FCHSD2: variants seen among roughly 807,000 people sequenced by gnomAD.
FCHSD2 encodes the protein F-BAR and double SH3 domains protein 2.
FCHSD2 carries 38 observed loss-of-function variants against 108.1 expected under a neutral mutation model. That is an observed-to-expected ratio of 0.35 (90% CI 0.27 to 0.46). The LOEUF (loss-of-function observed/expected upper bound fraction) is 0.46. Among genes scored for constraint, FCHSD2 ranks in the 20% least tolerant of loss-of-function variants. FCHSD2 has a pLI of 1.00. For synonymous variants in FCHSD2, 279 were observed against 314.7 expected, an observed-to-expected ratio of 0.89 and a Z score of 1.20; for missense variants, 751 against 897.8, an observed-to-expected ratio of 0.84 and a Z score of 2.09.
intron 2 of FCHSD2, among the ~76,000 whole-genome samples, chr11:73,139,452 G>C (rs1462743940): frequency 6.6e-6 from 1 of 152,144 alleles, no homozygotes; most frequent in South Asian, 2.1e-4. Flanking sequence ...CCTCTAGTAA[G>C]AAAGATACTG....
intron 3 of FCHSD2, among the ~76,000 whole-genome samples, chr11:73,050,270 G>T (rs969416722): frequency 3.9e-5 from 6 of 152,056 alleles, no homozygotes; most frequent in Admixed American, 3.9e-4. Context: ...TTAAAAAGAG[G>T]GCTGGACCAT....
rs1198465987 is a variant in FCHSD2 at position 72,938,926 on chromosome 11, T to TA, written c.706-16977dup. 2.6e-5 allele frequency among the ~76,000 whole-genome samples: 4 copies of TA among 152,244 alleles called. No homozygotes were observed. The East Asian group carries it at 5.8e-4, about 22-fold the overall frequency. ...CTGATTTAAGATTATAAATATTTTC[T>TA]AAAAAAATATAGTAAGGATAGGGTC... On this transcript the variant is annotated intron_variant, in intron 8 of 19. Transcript: ENST00000409418.
chr11:72,850,102 C>T (rs1434498301), intron 13 of FCHSD2, among the ~76,000 whole-genome samples: 2 of 141,114 alleles, frequency 1.4e-5, no homozygotes, highest in African/African-American at 2.7e-5. Flanking sequence ...TCGCTCTTGT[C>T]ACCCCGGCTG....
rs558563726 is a variant in FCHSD2, at chr11:72,920,390, G to A, written c.828+1438C>T. On this transcript the variant is annotated intron_variant, in intron 9 of 19. Coordinates refer to ENST00000409418, the MANE Select transcript of FCHSD2 (RefSeq NM_014824.3). ...TGGACAATTGTCCAGGAAAATGTAA[G>A]TTACCCAAATATACTGAAAAAGAGA... 2.6e-5 allele frequency among the ~76,000 whole-genome samples: 4 copies of A among 152,278 alleles called. No individual in the cohort carries two copies. The East Asian group carries it at 7.7e-4, about 29-fold the overall frequency.
intron 2 of FCHSD2, among the ~76,000 whole-genome samples, chr11:73,113,177 T>C (rs1436262331): frequency 6.6e-6 from 1 of 152,066 alleles, no homozygotes; most frequent in Admixed American, 6.6e-5. Context: ...TTCAATCTCT[T>C]TGCTAAGCTT....
chr11:72,877,445 A>G (rs1250368948), intron 12 of FCHSD2, among the ~76,000 whole-genome samples: 1 of 152,122 alleles, frequency 6.6e-6, no homozygotes, highest in East Asian at 1.9e-4. Flanking sequence ...ATTCCTCTCC[A>G]GGTTTTACAT....
intron 3 of FCHSD2, among the ~76,000 whole-genome samples, chr11:73,050,582 CA>C (rs1469120958): frequency 1.3e-5 from 2 of 152,074 alleles, no homozygotes; most frequent in Non-Finnish European, 2.9e-5. Flanking sequence ...CAGGCCCCCA[CA>C]ATGGTTTTTC....
intron 3 of FCHSD2, among the ~76,000 whole-genome samples, chr11:73,046,862 C>T (rs903358281): frequency 1.3e-5 from 2 of 152,082 alleles, no homozygotes; most frequent in African/African-American, 2.4e-5. Context: ...AGATTACAAT[C>T]GTAAGCTACC....
intron 12 of FCHSD2, among the ~76,000 whole-genome samples, chr11:72,869,204 G>C (rs1174445625): frequency 3.3e-5 from 5 of 152,084 alleles, no homozygotes; most frequent in Non-Finnish European, 5.9e-5. Flanking sequence ...ACCTCACCCA[G>C]CCAAGTTACC....
chr11:72,893,614 C>G (rs548723485), intron 10 of FCHSD2, among the ~76,000 whole-genome samples: 2 of 152,178 alleles, frequency 1.3e-5, no homozygotes, highest in African/African-American at 4.8e-5. Flanking sequence ...TATGCCCAGC[C>G]CAATATTTTT....
At chr11:72,871,562 G>A (rs1268430214) in intron 12 of FCHSD2, among the ~76,000 whole-genome samples, 4 of 145,340 alleles carry the variant, frequency 2.8e-5, no homozygotes, top group Non-Finnish European at 3.0e-5. Context: ...CTCTCACTTG[G>A]TGGCTTTCTG....
At chr11:72,864,257 G>T (rs1854669782) in intron 13 of FCHSD2, among the ~76,000 whole-genome samples, 1 of 152,084 alleles carries the variant, frequency 6.6e-6, no homozygotes, top group Non-Finnish European at 1.5e-5. Context: ...ATAAATAAAA[G>T]ATTAGAAAAA....
intron 12 of FCHSD2, among the ~76,000 whole-genome samples, chr11:72,878,249 C>T (rs1434452723): frequency 2.0e-5 from 3 of 152,018 alleles, no homozygotes; most frequent in Non-Finnish European, 4.4e-5. Context: ...TGTGAATAGT[C>T]ACTGCATTCT....
At chr11:73,139,880 C>A in intron 2 of FCHSD2, 151 bp downstream of exon 2, 1 of 509,242 alleles carries the variant, frequency 2.0e-6, no homozygotes, top group South Asian at 3.3e-5. Flanking sequence ...GTGTTAGTTC[C>A]AGTTCTAATT....
At chr11:72,861,087 C>T (rs532693093) in intron 13 of FCHSD2, among the ~76,000 whole-genome samples, 83 of 151,680 alleles carry the variant, frequency 5.5e-4, no homozygotes, top group African/African-American at 1.9e-3. Flanking sequence ...AAGAGAAAAA[C>T]GAGGGAAAAA....
intron 9 of FCHSD2, among the ~76,000 whole-genome samples, chr11:72,908,991 T>G (rs1361947622): frequency 1.3e-5 from 2 of 152,136 alleles, no homozygotes; most frequent in African/African-American, 4.8e-5. Context: ...GAGAAATGTC[T>G]ATTCAGATCT....
intron 12 of FCHSD2, among the ~76,000 whole-genome samples, chr11:72,876,856 A>C (rs183107250): frequency 2.6e-5 from 4 of 152,284 alleles, no homozygotes; most frequent in African/African-American, 9.6e-5. Flanking sequence ...ATTATTATAT[A>C]TACGTCCAGG....
chr11:72,924,663 T>C (rs1281623438), intron 8 of FCHSD2, among the ~76,000 whole-genome samples: 1 of 151,752 alleles, frequency 6.6e-6, no homozygotes, highest in Admixed American at 6.6e-5. Flanking sequence ...ATCTTATGTT[T>C]GGCTGTTCCA....
In FCHSD2 at chr11:72,851,651, G is replaced by C. The variant is rs922140762; in HGVS notation, c.1309-1762C>G. 4.6e-5 allele frequency among the ~76,000 whole-genome samples: 7 copies of C among 152,264 alleles called. No individual in the cohort carries two copies. In the East Asian group the frequency reaches 9.6e-4, roughly 21 times the overall value. On this transcript the variant is annotated intron_variant, in intron 13 of 19. Coordinates refer to ENST00000409418, the MANE Select transcript of FCHSD2 (RefSeq NM_014824.3). Reference sequence around the variant, plus strand: ...CCAGCTACTTGGGAGGCTGAGGCAGGAGAATTGCTTGAACCTGGGAGGCAG... The same window carrying C: ...CCAGCTACTTGGGAGGCTGAGGCAGCAGAATTGCTTGAACCTGGGAGGCAG...
Sources: allele counts gnomAD v4.1 joint callset (sites outside exome capture counted in the v4.1 genomes callset), GRCh38; gene constraint gnomAD v4.1.1; transcripts MANE v1.5; gene names NCBI Gene and HGNC (gene_info 2026-07-23, HGNC 2026-07-21).